Variants in RNGTT observed in about 807,000 individuals in gnomAD.
RNGTT encodes mRNA-capping enzyme.
A neutral mutation model predicts 79.3 loss-of-function variants in RNGTT; 33 were observed. The ratio of observed to expected loss-of-function variants is 0.42; its 90% confidence interval spans 0.32 to 0.56. The LOEUF is 0.56. Among genes scored for constraint, RNGTT ranks in the 20% least tolerant of loss-of-function variants. RNGTT has a pLI of 0.17. For missense variants in RNGTT, 497 were observed against 739.1 expected (o/e 0.67, Z 3.80); for synonymous variants, 222 against 235.9 (o/e 0.94, Z 0.54).
chr6:88,771,784 T>C (rs545308054), intron 12 of RNGTT, among the ~76,000 whole-genome samples: 1 of 152,288 alleles, frequency 6.6e-6, no homozygotes, highest in East Asian at 1.9e-4. Context: ...TTCCTAATAA[T>C]TTACTATTTT....
chr6:88,714,106 C>G (rs576683645), intron 13 of RNGTT: 1 of 152,258 alleles, frequency 6.6e-6, no homozygotes, highest in African/African-American at 2.4e-5. Flanking sequence ...ATGGAAATAA[C>G]TGTCTTACCT....
intron 12 of RNGTT, among the ~76,000 whole-genome samples, chr6:88,788,857 G>A (rs902006515): frequency 2.6e-5 from 4 of 152,172 alleles, no homozygotes; most frequent in East Asian, 1.9e-4. Context: ...AGATATTAGT[G>A]TACTTCTTTA....
In RNGTT at chr6:88,695,587, T is replaced by G. The variant is rs143105973; in HGVS notation, c.1440-17168A>C. On this transcript the variant is annotated intron_variant, in intron 13 of 15. Coordinates refer to ENST00000369485, the MANE Select transcript of RNGTT (RefSeq NM_003800.5). Reference sequence around the variant, plus strand: ...TAGTACATCCATATGGAAAACTATATAGAGGTTCCTCCAAAAACTAAAAGT... The same window carrying G: ...TAGTACATCCATATGGAAAACTATAGAGAGGTTCCTCCAAAAACTAAAAGT... 7.7e-3 allele frequency among the ~76,000 whole-genome samples: 1,166 copies of G among 152,270 alleles called. 19 individuals are homozygous for G. Among genetic ancestry groups the G allele is most frequent in the Admixed American group, 0.029 (446 of 15,284 alleles).
chr6:88,725,068 A>C (rs1185978340), intron 13 of RNGTT, among the ~76,000 whole-genome samples: 1 of 152,184 alleles, frequency 6.6e-6, no homozygotes, highest in African/African-American at 2.4e-5. Flanking sequence ...TTAAAAAGAA[A>C]ATTTTATATT....
intron 14 of RNGTT, among the ~76,000 whole-genome samples, chr6:88,645,009 C>T (rs560176746): frequency 1.3e-5 from 2 of 152,044 alleles, no homozygotes; most frequent in Admixed American, 6.6e-5. Flanking sequence ...CCAGGGCAAT[C>T]AGGCAGGAGA....
In RNGTT at chr6:88,678,377, A is replaced by G; in HGVS notation, c.1482T>C (p.Tyr494=). The G allele has an allele frequency of 1.3e-6, 2 of 1,542,674 alleles. No individual in the cohort carries two copies. The highest frequency in any genetic ancestry group is 1.8e-6 in the Non-Finnish European group (2 of 1,140,338). Reference sequence around the variant, plus strand: ...CCTTGATTTGTGCAAAGGGTCTTTCATAACCTCCAACATACAGGAGGCCAA... The same window carrying G: ...CCTTGATTTGTGCAAAGGGTCTTTCGTAACCTCCAACATACAGGAGGCCAA... ...QNVGLLYVGG[Y]ERPFAQIKVT... is the part of the protein sequence containing the mutation. The change falls in exon 14 of 16, where the codon TAT becomes TAC. Residue 494 remains tyrosine (Y), a synonymous_variant. Coordinates refer to ENST00000369485, the MANE Select transcript of RNGTT (RefSeq NM_003800.5).
At chr6:88,792,727 G>A (rs1340962757) in intron 12 of RNGTT, among the ~76,000 whole-genome samples, 1 of 152,120 alleles carries the variant, frequency 6.6e-6, no homozygotes, top group African/African-American at 2.4e-5. Flanking sequence ...TGGTGATGGT[G>A]GCCTAAACTG....
At chr6:88,931,603 A>T (rs1784515825) in intron 2 of RNGTT, among the ~76,000 whole-genome samples, 1 of 152,220 alleles carries the variant, frequency 6.6e-6, no homozygotes, top group Admixed American at 6.5e-5. Flanking sequence ...AAATTCTAAC[A>T]CATAGGGTAA....
intron 4 of RNGTT, among the ~76,000 whole-genome samples, chr6:88,925,866 T>C (rs746247631): frequency 6.6e-6 from 1 of 152,054 alleles, no homozygotes; most frequent in Non-Finnish European, 1.5e-5. Context: ...GTGGGCAACA[T>C]AGCAAGACCC....
chr6:88,786,031 T>G (rs556101329), intron 12 of RNGTT, among the ~76,000 whole-genome samples: 185 of 152,254 alleles, frequency 1.2e-3, no homozygotes, highest in African/African-American at 4.3e-3. Context: ...TAGAAACAAT[T>G]ATGTTTTACT....
intron 14 of RNGTT, among the ~76,000 whole-genome samples, chr6:88,657,469 T>A (rs2127780466): frequency 6.6e-6 from 1 of 151,840 alleles, no homozygotes; most frequent in African/African-American, 2.4e-5. Flanking sequence ...AGCCACAGAG[T>A]GAAAGAAGCT....
chr6:88,798,373 G>A (rs553610380), intron 12 of RNGTT, among the ~76,000 whole-genome samples: 7 of 152,074 alleles, frequency 4.6e-5, no homozygotes, highest in East Asian at 1.9e-4. Context: ...CCTGAAGTGC[G>A]AGGATTGCTT....
At chr6:88,798,671 T>C (rs1046154463) in intron 12 of RNGTT, among the ~76,000 whole-genome samples, 1 of 152,206 alleles carries the variant, frequency 6.6e-6, no homozygotes, top group African/African-American at 2.4e-5. Flanking sequence ...GAAAATGACA[T>C]GATAACCTTA....
intron 14 of RNGTT, among the ~76,000 whole-genome samples, chr6:88,648,471 T>C (rs1014860216): frequency 6.8e-6 from 1 of 147,018 alleles, no homozygotes; most frequent in African/African-American, 2.5e-5. Flanking sequence ...CTTAAAGTAT[T>C]ATAATAATAA....
At chr6:88,918,627 T>G (rs1406702850) in intron 4 of RNGTT, among the ~76,000 whole-genome samples, 4 of 152,160 alleles carry the variant, frequency 2.6e-5, no homozygotes, top group African/African-American at 9.7e-5. Context: ...AGATCAGCCT[T>G]GAACTGAAGA....
At chr6:88,838,331 T>C (rs578147539) in intron 11 of RNGTT, among the ~76,000 whole-genome samples, 9 of 152,236 alleles carry the variant, frequency 5.9e-5, no homozygotes, top group Non-Finnish European at 1.2e-4. Flanking sequence ...AGCACCTTTT[T>C]CACTTATATA....
At position 88,610,234 on chromosome 6, in the gene RNGTT, A is replaced by G. The variant is rs146179852; in HGVS notation, c.*2485T>C. 85 of 152,786 alleles carry G rather than the reference A, an allele frequency of 5.6e-4. No homozygotes were observed. Among genetic ancestry groups the G allele is most frequent in the African/African-American group, 2.0e-3 (82 of 41,578 alleles). 9.5% of individuals were successfully genotyped at this position (152,786 alleles called of 1,614,324 possible). A position where few individuals can be genotyped will look rare whatever the true frequency, so the allele number is the denominator to read the frequency against. Reference sequence around the variant, plus strand: ...TGATGCCAGCAATAGAAGGGACACAAGAGTATCACCAGTAAAACAAAGTAG... The same window carrying G: ...TGATGCCAGCAATAGAAGGGACACAGGAGTATCACCAGTAAAACAAAGTAG... On this transcript the variant is annotated 3_prime_UTR_variant, in exon 16 of 16. Coordinates refer to ENST00000369485, the MANE Select transcript of RNGTT (RefSeq NM_003800.5).
intron 8 of RNGTT, among the ~76,000 whole-genome samples, chr6:88,856,894 TTTC>T (rs1264757177): frequency 2.0e-5 from 3 of 152,162 alleles, no homozygotes; most frequent in Non-Finnish European, 4.4e-5. Flanking sequence ...TGCAATATAA[TTTC>T]TTATTAATTA....
At chr6:88,936,862 T>G (rs1316405224) in intron 2 of RNGTT, among the ~76,000 whole-genome samples, 1 of 152,212 alleles carries the variant, frequency 6.6e-6, no homozygotes, top group Non-Finnish European at 1.5e-5. Context: ...TGGTAGAATT[T>G]GGTGGTGAAG....
Sources: allele counts gnomAD v4.1 joint callset (sites outside exome capture counted in the v4.1 genomes callset), GRCh38; gene constraint gnomAD v4.1.1; transcripts MANE v1.5; gene names NCBI Gene and HGNC (gene_info 2026-07-23, HGNC 2026-07-21).